WDFY2: variants seen among roughly 807,000 people sequenced by gnomAD.
WDFY2 encodes WD repeat and FYVE domain containing 2.
A neutral mutation model predicts 56.4 loss-of-function variants in WDFY2; 36 were observed. That is an observed-to-expected ratio of 0.64 (90% confidence interval 0.49 to 0.84). The LOEUF is 0.84. Ranked by LOEUF, WDFY2 falls within the 40% of genes least tolerant of loss-of-function variation. The probability of loss-of-function intolerance (pLI) is 0.00; values close to 1 mark genes in which losing one functional copy is unlikely to be tolerated. For synonymous variants in WDFY2, 176 were observed against 183.7 expected (o/e 0.96, Z 0.34); for missense variants, 444 against 512.2 (o/e 0.87, Z 1.29).
chr13:51,629,826 C>CTTTTTTTTTTTTTTTTTGTT (rs11432630), intron 1 of WDFY2, among the ~76,000 whole-genome samples: 4 of 125,142 alleles, frequency 3.2e-5, no homozygotes, highest in Non-Finnish European at 6.6e-5. Context: ...TCTTTCTTTT[C>CTTTTTTTTTTTTTTTTTGTT]TTTTTTTTTT....
chr13:51,712,304 G>A (rs1952239132), intron 4 of WDFY2, among the ~76,000 whole-genome samples: 1 of 152,108 alleles, frequency 6.6e-6, no homozygotes, highest in South Asian at 2.1e-4. Flanking sequence ...TCGTGGTGTG[G>A]GGGGAGCGGG....
intron 3 of WDFY2, among the ~76,000 whole-genome samples, chr13:51,696,717 C>G (rs1951884177): frequency 6.6e-6 from 1 of 151,842 alleles, no homozygotes; most frequent in East Asian, 1.9e-4. Context: ...GTAAGTAAAG[C>G]CTTAAAAAAG....
chr13:51,711,457 A>G (rs1459472720), intron 4 of WDFY2, among the ~76,000 whole-genome samples: 8 of 152,236 alleles, frequency 5.3e-5, no homozygotes, highest in Admixed American at 5.2e-4. Flanking sequence ...ATTAAACTAA[A>G]GAGCTTCTGC....
At chr13:51,666,718 A>G (rs1955708432) in intron 2 of WDFY2, among the ~76,000 whole-genome samples, 1 of 152,146 alleles carries the variant, frequency 6.6e-6, no homozygotes, top group African/African-American at 2.4e-5. Context: ...GTTTACACAC[A>G]CACACACTCT....
chr13:51,759,049 G>T (rs1002262863), intron 11 of WDFY2, among the ~76,000 whole-genome samples: 6 of 152,132 alleles, frequency 3.9e-5, no homozygotes, highest in African/African-American at 1.4e-4. Flanking sequence ...AGACGTGGTG[G>T]TTCCTGCCTG....
chr13:51,652,454 T>G (rs1593937317), intron 1 of WDFY2, among the ~76,000 whole-genome samples: 1 of 152,242 alleles, frequency 6.6e-6, no homozygotes, highest in East Asian at 1.9e-4. Flanking sequence ...ATTATGATGT[T>G]AGCTGGTTAT....
intron 2 of WDFY2, among the ~76,000 whole-genome samples, chr13:51,672,295 C>T (rs543487267): frequency 2.6e-5 from 4 of 152,180 alleles, no homozygotes; most frequent in South Asian, 4.1e-4. Flanking sequence ...CGCTGTTTGT[C>T]GAATAGGGTG....
intron 1 of WDFY2, chr13:51,599,290 A>G (rs1001792461): frequency 6.6e-6 from 1 of 152,272 alleles, no homozygotes; most frequent in African/African-American, 2.4e-5. Context: ...ATAGCTGCAT[A>G]AAGTATAGAA....
chr13:51,633,245 A>G (rs1352526024), intron 1 of WDFY2, among the ~76,000 whole-genome samples: 2 of 152,148 alleles, frequency 1.3e-5, no homozygotes, highest in Non-Finnish European at 1.5e-5. Flanking sequence ...CCAACCCTGG[A>G]GCTGTCAGTA....
At chr13:51,585,909 C>T (rs1408935275) in intron 1 of WDFY2, 1 of 397,228 alleles carries the variant, frequency 2.5e-6, no homozygotes, top group African/African-American at 2.1e-5. Context: ...CAATTGAGCT[C>T]GATAGGTTTG....
intron 10 of WDFY2, among the ~76,000 whole-genome samples, chr13:51,757,680 T>G (rs183346514): frequency 3.5e-4 from 54 of 152,252 alleles, no homozygotes; most frequent in African/African-American, 1.3e-3. Context: ...TGTTTGTTTT[T>G]TATTTTGTTT....
At chr13:51,753,384 T>A (rs1375234061) in intron 8 of WDFY2, among the ~76,000 whole-genome samples, 5 of 152,230 alleles carry the variant, frequency 3.3e-5, no homozygotes, top group Non-Finnish European at 7.3e-5. Flanking sequence ...ACAGGTGTTT[T>A]ATACAGTTAA....
chr13:51,584,929 CT>C (rs1953907393), intron 1 of WDFY2, 105 bp downstream of exon 1: 1 of 1,472,014 alleles, frequency 6.8e-7, no homozygotes, highest in Non-Finnish European at 9.1e-7. Context: ...TGTAGACTTG[CT>C]CCCCCAAGTT....
At chr13:51,662,569 C>T (rs926735361) in intron 2 of WDFY2, among the ~76,000 whole-genome samples, 1 of 152,302 alleles carries the variant, frequency 6.6e-6, no homozygotes, top group African/African-American at 2.4e-5. Context: ...TACAAATACA[C>T]ATACATTTTG....
intron 1 of WDFY2, among the ~76,000 whole-genome samples, chr13:51,624,056 G>A (rs771613564): frequency 2.0e-5 from 3 of 152,130 alleles, no homozygotes; most frequent in Non-Finnish European, 4.4e-5. Flanking sequence ...AAAGGATGAC[G>A]AATTAGAGAA....
intron 3 of WDFY2, among the ~76,000 whole-genome samples, chr13:51,679,658 T>A (rs935431830): frequency 8.5e-5 from 13 of 152,158 alleles, no homozygotes; most frequent in Admixed American, 7.2e-4. Flanking sequence ...GGTTATGTAG[T>A]AAGTTAGTTT....
At chr13:51,664,748 G>A (rs1172779358) in intron 2 of WDFY2, among the ~76,000 whole-genome samples, 1 of 152,082 alleles carries the variant, frequency 6.6e-6, no homozygotes, top group Non-Finnish European at 1.5e-5. Context: ...AGTTTTTCCT[G>A]GATCTCTGTG....
At chr13:51,710,543 T>C (rs1452741848) in intron 4 of WDFY2, among the ~76,000 whole-genome samples, 1 of 152,052 alleles carries the variant, frequency 6.6e-6, no homozygotes, top group East Asian at 1.9e-4. Flanking sequence ...AAAACCCCAT[T>C]GTCTCAGCCC....
At chr13:51,630,300 T>A (rs1308612385) in intron 1 of WDFY2, among the ~76,000 whole-genome samples, 1 of 152,216 alleles carries the variant, frequency 6.6e-6, no homozygotes, top group African/African-American at 2.4e-5. Flanking sequence ...CATGTGAATG[T>A]AGAGTAGATT....
Sources: allele counts gnomAD v4.1 joint callset (sites outside exome capture counted in the v4.1 genomes callset), GRCh38; gene constraint gnomAD v4.1.1; transcripts MANE v1.5; gene names NCBI Gene and HGNC (gene_info 2026-07-23, HGNC 2026-07-21).